EEF2K: variants seen among roughly 807,000 people sequenced by gnomAD.
EEF2K encodes the protein alternative protein EEF2K.
Under a neutral mutation model 93.8 loss-of-function variants are expected in EEF2K, and 70 were observed. The observed-to-expected ratio is 0.75, with a 90% CI of 0.62 to 0.91. The LOEUF is 0.91. EEF2K is among the 40% of genes least tolerant of loss of function. The pLI is 0.00. For synonymous variants in EEF2K, 376 were observed against 380.8 expected (o/e 0.99, Z 0.15); for missense variants, 935 against 972.9 (o/e 0.96, Z 0.52).
In EEF2K at chr16:22,256,983, C is replaced by T. The variant is rs185960327; in HGVS notation, c.768+86C>T. ...AGGCTCAGCCCCTAAAGAGGAAGGTCCCTGTGGGCTTGGAGTCTCACCCCC... is the reference window on the plus strand; with the variant it reads ...AGGCTCAGCCCCTAAAGAGGAAGGTTCCTGTGGGCTTGGAGTCTCACCCCC... On this transcript the variant is annotated intron_variant, in intron 7 of 17. Transcript: ENST00000263026. 2.2e-4 allele frequency: 349 copies of T among 1,569,236 alleles called. 7 individuals carry two copies. In the East Asian group the frequency reaches 2.5e-3, roughly 11 times the overall value.
chr16:22,258,002 A>AT (rs1323831186), intron 9 of EEF2K, among the ~76,000 whole-genome samples: 1 of 152,034 alleles, frequency 6.6e-6, no homozygotes. Context: ...GGTTGGGCCC[A>AT]TTTTTTACCA....
chr16:22,254,940 G>A (rs1254877481), intron 6 of EEF2K, among the ~76,000 whole-genome samples: 3 of 152,034 alleles, frequency 2.0e-5, no homozygotes, highest in Non-Finnish European at 2.9e-5. Flanking sequence ...GCATGGAGGC[G>A]GGTGCCTGTA....
At chr16:22,273,585 TC>T in intron 15 of EEF2K, 40 bp from the exon 16 acceptor site, 1 of 1,609,626 alleles carries the variant, frequency 6.2e-7, no homozygotes, top group Non-Finnish European at 8.5e-7. Flanking sequence ...AGTGTAAGCC[TC>T]ATTCACTCTT....
intron 15 of EEF2K, among the ~76,000 whole-genome samples, chr16:22,269,911 C>T (rs2047560319): frequency 6.6e-6 from 1 of 151,924 alleles, no homozygotes; most frequent in Non-Finnish European, 1.5e-5. Flanking sequence ...TGACAGTGTC[C>T]TGTGGACATT....
intron 2 of EEF2K, among the ~76,000 whole-genome samples, chr16:22,227,305 C>T (rs972688971): frequency 5.9e-5 from 9 of 151,652 alleles, no homozygotes; most frequent in East Asian, 1.9e-4. Context: ...CTCACTGAAA[C>T]GTCCGCCTCC....
chr16:22,221,582 A>C (rs1442609508), intron 1 of EEF2K, among the ~76,000 whole-genome samples: 2 of 152,218 alleles, frequency 1.3e-5, no homozygotes, highest in African/African-American at 4.8e-5. Flanking sequence ...GGATATAAAT[A>C]TATTTCCTGC....
intron 13 of EEF2K, among the ~76,000 whole-genome samples, chr16:22,265,663 C>T (rs1449502434): frequency 1.3e-5 from 2 of 152,228 alleles, no homozygotes; most frequent in African/African-American, 4.8e-5. Flanking sequence ...TGAATCGTTC[C>T]TTGTTGAGGG....
intron 1 of EEF2K, among the ~76,000 whole-genome samples, chr16:22,210,296 G>C (rs188092440): frequency 1.6e-3 from 244 of 152,306 alleles, no homozygotes; most frequent in Middle Eastern, 0.014. Context: ...GGACTAGCAA[G>C]CCAGAGGAAG....
chr16:22,251,051 C>T, intron 5 of EEF2K, 100 bp from the exon 6 acceptor site: 2 of 1,456,534 alleles, frequency 1.4e-6, no homozygotes, highest in East Asian at 4.6e-5. Flanking sequence ...GCCAGCCACC[C>T]AGCCACATCA....
chr16:22,247,068 G>C (rs1445422395), intron 3 of EEF2K, among the ~76,000 whole-genome samples: 1 of 69,470 alleles, frequency 1.4e-5, no homozygotes, highest in Non-Finnish European at 2.9e-5. Flanking sequence ...AAAAAAAAAA[G>C]AAACTAGAAT....
At chr16:22,247,917 A>G (rs2047311505) in intron 3 of EEF2K, among the ~76,000 whole-genome samples, 1 of 152,102 alleles carries the variant, frequency 6.6e-6, no homozygotes, top group Admixed American at 6.5e-5. Context: ...GCTGCCTGGC[A>G]AGATCGAGGG....
rs2047728213 is a variant in EEF2K, at chr16:22,284,088, G to A, written c.*92G>A. ...CAACAACTTATTTAGTTTGGGGAGG[G>A]GAAGCATTTTTAAGTGTGTTGTAAA... is the stretch of plus-strand genomic sequence containing the variant. On this transcript the variant is annotated 3_prime_UTR_variant, in exon 18 of 18. Transcript: ENST00000263026. 2.6e-6 allele frequency: 3 copies of A among 1,158,162 alleles called. No homozygotes were observed. The highest frequency in any genetic ancestry group is 1.6e-5 in the African/African-American group (1 of 63,670). The allele number at this position is 1,158,162 out of a possible 1,614,324, so 71.7% of individuals were successfully genotyped here.
chr16:22,244,563 G>T, intron 2 of EEF2K, 67 bp from the exon 3 acceptor site: 2 of 1,487,476 alleles, frequency 1.3e-6, no homozygotes, highest in South Asian at 2.3e-5. Flanking sequence ...GGCAGGAGGA[G>T]TCCACGCTGT....
chr16:22,250,920 G>T (rs1358588349), intron 5 of EEF2K, among the ~76,000 whole-genome samples: 2 of 152,196 alleles, frequency 1.3e-5, no homozygotes, highest in African/African-American at 2.4e-5. Flanking sequence ...CTGGTGTTGG[G>T]AGGTCAAGGG....
At chr16:22,207,025 T>C (rs1453166852) in intron 1 of EEF2K, among the ~76,000 whole-genome samples, 1 of 152,150 alleles carries the variant, frequency 6.6e-6, no homozygotes, top group Non-Finnish European at 1.5e-5. Flanking sequence ...TGCCTTCCTG[T>C]CCCCTGCAGG....
intron 15 of EEF2K, among the ~76,000 whole-genome samples, chr16:22,267,676 G>A (rs1312624571): frequency 2.6e-5 from 4 of 152,080 alleles, no homozygotes; most frequent in Non-Finnish European, 5.9e-5. Context: ...TGGGGGAGGT[G>A]AGCAGCTCAG....
In EEF2K at chr16:22,284,041, G is replaced by A; in HGVS notation, c.*45G>A. On this transcript the variant is annotated 3_prime_UTR_variant, in exon 18 of 18. Transcript: ENST00000263026. ...CTAGTCCCAAGCAAACGGGCTAGGAGGAAAGATTAAAAAAACAACAACAAC... is the reference window on the plus strand; with the variant it reads ...CTAGTCCCAAGCAAACGGGCTAGGAAGAAAGATTAAAAAAACAACAACAAC... The A allele has an allele frequency of 6.7e-7, 1 of 1,487,284 alleles. No individual in the cohort carries two copies. Among genetic ancestry groups the A allele is most frequent in the Non-Finnish European group, 9.1e-7 (1 of 1,096,702 alleles). The allele number at this position is 1,487,284 out of a possible 1,614,324, so 92.1% of individuals were successfully genotyped here. A position where few individuals can be genotyped will look rare whatever the true frequency, so the allele number is the denominator to read the frequency against.
chr16:22,242,225 T>G (rs1342324284), intron 2 of EEF2K, among the ~76,000 whole-genome samples: 1 of 152,108 alleles, frequency 6.6e-6, no homozygotes, highest in Non-Finnish European at 1.5e-5. Flanking sequence ...GTGTGTGTAT[T>G]GGAAGGCCCA....
chr16:22,283,418 TAC>T (rs1268842206), intron 17 of EEF2K, among the ~76,000 whole-genome samples: 3 of 152,152 alleles, frequency 2.0e-5, no homozygotes, highest in Non-Finnish European at 4.4e-5. Context: ...TTGTATGTTT[TAC>T]ACAAATTCAC....
Sources: allele counts gnomAD v4.1 joint callset (sites outside exome capture counted in the v4.1 genomes callset), GRCh38; gene constraint gnomAD v4.1.1; transcripts MANE v1.5; gene names NCBI Gene and HGNC (gene_info 2026-07-23, HGNC 2026-07-21).